Variants in CNTN1 observed in about 807,000 individuals in gnomAD.
CNTN1 encodes the protein contactin 1, also known as contactin-1.
A neutral mutation model predicts 126.4 loss-of-function variants in CNTN1; 38 were observed. The observed-to-expected ratio is 0.30, with a 90% CI of 0.23 to 0.39. The LOEUF is 0.39. Ranked by LOEUF, CNTN1 falls within the 10% of genes least tolerant of loss-of-function variation. CNTN1 has a pLI of 1.00. For missense variants in CNTN1, 1,009 were observed against 1,248.4 expected, an observed-to-expected ratio of 0.81 and a Z score of 2.89; for synonymous variants, 413 against 422.6, an observed-to-expected ratio of 0.98 and a Z score of 0.28.
chr12:41,068,804 C>A (rs1311616141), intron 23 of CNTN1, among the ~76,000 whole-genome samples: 1 of 152,048 alleles, frequency 6.6e-6, no homozygotes, highest in Non-Finnish European at 1.5e-5. Context: ...TTTTTTAGGT[C>A]TTCACTCATT....
intron 1 of CNTN1, among the ~76,000 whole-genome samples, chr12:40,748,094 T>C (rs1938257888): frequency 6.6e-6 from 1 of 152,122 alleles, no homozygotes. Flanking sequence ...TTTGGTGCTT[T>C]AGGCAGTGGT....
At chr12:40,798,442 T>A (rs1188919243) in intron 1 of CNTN1, among the ~76,000 whole-genome samples, 1 of 151,994 alleles carries the variant, frequency 6.6e-6, no homozygotes, top group Non-Finnish European at 1.5e-5. Context: ...CCTATAGACC[T>A]GCAGCACAAA....
At chr12:40,749,548 G>GTGCAGGGCTTCA (rs1555150237) in intron 1 of CNTN1, among the ~76,000 whole-genome samples, 6 of 143,934 alleles carry the variant, frequency 4.2e-5, no homozygotes, top group East Asian at 2.0e-4. Context: ...ACTAGGGTGA[G>GTGCAGGGCTTCA]GTCATAAAGA....
chr12:40,893,384 A>G (rs1944306245), intron 1 of CNTN1, among the ~76,000 whole-genome samples: 1 of 152,144 alleles, frequency 6.6e-6, no homozygotes, highest in Non-Finnish European at 1.5e-5. Flanking sequence ...CAAAAATAAA[A>G]GAGGACAAAT....
At chr12:40,855,852 A>C (rs906557539) in intron 1 of CNTN1, among the ~76,000 whole-genome samples, 1 of 152,184 alleles carries the variant, frequency 6.6e-6, no homozygotes, top group Non-Finnish European at 1.5e-5. Flanking sequence ...ATTGTCAAAA[A>C]TTATCTTTAA....
chr12:40,872,990 T>C (rs1461291658), intron 1 of CNTN1, among the ~76,000 whole-genome samples: 1 of 152,104 alleles, frequency 6.6e-6, no homozygotes, highest in East Asian at 1.9e-4. Flanking sequence ...CCTCAAACCA[T>C]AAGAAGGTAA....
chr12:40,957,973 C>T (rs925169912), intron 14 of CNTN1, among the ~76,000 whole-genome samples: 34 of 151,956 alleles, frequency 2.2e-4, no homozygotes, highest in African/African-American at 7.2e-4. Flanking sequence ...TGAAGCAAAA[C>T]GTTCACTCCA....
At chr12:40,708,895 A>G (rs1308221765) in intron 1 of CNTN1, among the ~76,000 whole-genome samples, 2 of 152,172 alleles carry the variant, frequency 1.3e-5, no homozygotes, top group African/African-American at 2.4e-5. Context: ...TATTTCTACC[A>G]CTTTTGCATT....
intron 23 of CNTN1, among the ~76,000 whole-genome samples, chr12:41,045,267 T>G (rs1949516813): frequency 6.6e-6 from 1 of 152,088 alleles, no homozygotes; most frequent in Non-Finnish European, 1.5e-5. Context: ...AATAGATATA[T>G]GCATCAACCA....
Position 40,857,241 on chromosome 12 carries a change from T to C in CNTN1, c.-76-51116T>C, listed in dbSNP as rs117402614. Among the ~76,000 whole-genome samples the C allele has an allele frequency of 5.9e-5, 9 of 152,192 alleles. No individual in the cohort carries two copies. The East Asian group carries it at 1.7e-3, about 29-fold the overall frequency. On this transcript the variant is annotated intron_variant, in intron 1 of 23. Transcript: ENST00000551295. ...ACTTAGAGTCAATTTTAATAACAAA[T>C]CTACACAACTTTTCCAAAGAATTGT...
intron 1 of CNTN1, among the ~76,000 whole-genome samples, chr12:40,868,048 G>T (rs1423947313): frequency 1.3e-5 from 2 of 151,802 alleles, no homozygotes; most frequent in African/African-American, 4.8e-5. Flanking sequence ...GAAATTATTT[G>T]CTTTGAGAAG....
intron 1 of CNTN1, among the ~76,000 whole-genome samples, chr12:40,887,986 G>A (rs920019186): frequency 7.0e-6 from 1 of 141,984 alleles, no homozygotes; most frequent in Non-Finnish European, 1.5e-5. Flanking sequence ...GACACAGGAA[G>A]GGGAACATCA....
chr12:40,979,979 C>T (rs1947776353), intron 15 of CNTN1, among the ~76,000 whole-genome samples: 1 of 151,996 alleles, frequency 6.6e-6, no homozygotes, highest in South Asian at 2.1e-4. Flanking sequence ...TCTGAATTGA[C>T]AATTATTTTC....
At chr12:40,704,727 G>C (rs1035158266) in intron 1 of CNTN1, among the ~76,000 whole-genome samples, 2 of 152,142 alleles carry the variant, frequency 1.3e-5, no homozygotes, top group African/African-American at 2.4e-5. Context: ...CTAAGGAAAA[G>C]ATGTACAGTA....
At chr12:40,903,371 CAT>C (rs1944678623) in intron 1 of CNTN1, among the ~76,000 whole-genome samples, 1 of 145,484 alleles carries the variant, frequency 6.9e-6, no homozygotes. Context: ...GTGACTGGCA[CAT>C]GTTTGTCAGA....
intron 23 of CNTN1, among the ~76,000 whole-genome samples, chr12:41,067,380 A>G (rs1158629679): frequency 6.6e-6 from 1 of 152,140 alleles, no homozygotes; most frequent in African/African-American, 2.4e-5. Context: ...GCCAACCCAC[A>G]TATTCAGCCA....
At chr12:41,065,013 C>T (rs1225288683) in intron 23 of CNTN1, among the ~76,000 whole-genome samples, 1 of 152,122 alleles carries the variant, frequency 6.6e-6, no homozygotes, top group African/African-American at 2.4e-5. Flanking sequence ...CCAATATATC[C>T]TTGTGGCTCC....
intron 1 of CNTN1, among the ~76,000 whole-genome samples, chr12:40,873,470 C>A (rs1476620403): frequency 6.6e-6 from 1 of 152,132 alleles, no homozygotes; most frequent in Non-Finnish European, 1.5e-5. Flanking sequence ...TATTTTAAAA[C>A]ATAATATAGA....
At chr12:40,820,260 C>T (rs1941403607) in intron 1 of CNTN1, among the ~76,000 whole-genome samples, 1 of 152,180 alleles carries the variant, frequency 6.6e-6, no homozygotes, top group African/African-American at 2.4e-5. Context: ...TGATGGAGGG[C>T]ATTACTCTAT....
Sources: gnomAD v4.1 joint callset for allele counts (sites outside exome capture counted in the v4.1 genomes callset) on GRCh38, gnomAD v4.1.1 for gene constraint, MANE v1.5 for transcripts, NCBI Gene and HGNC (gene_info 2026-07-23, HGNC 2026-07-21) for gene names.